CPLANE1: variants seen among roughly 807,000 people sequenced by gnomAD.
CPLANE1 encodes the protein ciliogenesis and planar polarity effector 1.
Under a neutral mutation model 362.5 loss-of-function variants are expected in CPLANE1, and 263 were observed. The observed-to-expected ratio is 0.73, with a 90% CI of 0.66 to 0.80. CPLANE1 has a LOEUF of 0.80. Among genes scored for constraint, CPLANE1 ranks in the 30% least tolerant of loss-of-function variants. The pLI, the probability that CPLANE1 is intolerant of heterozygous loss-of-function variation, is 0.00. For synonymous variants in CPLANE1, 1,212 were observed against 1,302.6 expected (o/e 0.93, Z 1.50); for missense variants, 3,461 against 3,793.4 (o/e 0.91, Z 2.30).
intron 32 of CPLANE1, among the ~76,000 whole-genome samples, chr5:37,173,156 C>A (rs1255364158): frequency 6.6e-6 from 1 of 151,968 alleles, no homozygotes; most frequent in African/African-American, 2.4e-5. Flanking sequence ...AAATAATTAA[C>A]CATTGTTGGT....
intron 46 of CPLANE1, among the ~76,000 whole-genome samples, chr5:37,128,348 C>T (rs1202674345): frequency 6.6e-6 from 1 of 152,140 alleles, no homozygotes; most frequent in Non-Finnish European, 1.5e-5. Context: ...TTCTGATCAC[C>T]TCATCTCTAA....
At chr5:37,099,630 G>C in the CPLANE1 span, among the ~76,000 whole-genome samples, 2 of 152,148 alleles carry the variant, frequency 1.3e-5, no homozygotes, top group Non-Finnish European at 2.9e-5. Context: ...ATAACAGAAT[G>C]ATTTATATTT....
At chr5:37,176,251 T>A (rs1781129471) in intron 30 of CPLANE1, among the ~76,000 whole-genome samples, 1 of 151,900 alleles carries the variant, frequency 6.6e-6, no homozygotes, top group Non-Finnish European at 1.5e-5. Flanking sequence ...GAACCCAAAA[T>A]GAGGGGACAT....
At chr5:37,089,728 T>C in the CPLANE1 span, among the ~76,000 whole-genome samples, 1 of 152,206 alleles carries the variant, frequency 6.6e-6, no homozygotes, top group Non-Finnish European at 1.5e-5. Flanking sequence ...TGTTTTTATA[T>C]GATTCCCCTA....
chr5:37,087,583 C>A, the CPLANE1 span, among the ~76,000 whole-genome samples: 178 of 152,232 alleles, frequency 1.2e-3, no homozygotes, highest in Admixed American at 4.7e-3. Context: ...CAGCCTCCCG[C>A]GTAGCTGGGA....
intron 51 of CPLANE1, among the ~76,000 whole-genome samples, chr5:37,110,337 T>C (rs1561280176): frequency 1.3e-5 from 2 of 152,232 alleles, no homozygotes; most frequent in Non-Finnish European, 2.9e-5. Flanking sequence ...GCCTTATCTT[T>C]ATACAACAAT....
At chr5:37,123,364 T>C (rs1312419058) in intron 47 of CPLANE1, among the ~76,000 whole-genome samples, 7 of 151,964 alleles carry the variant, frequency 4.6e-5, no homozygotes, top group Non-Finnish European at 8.8e-5. Context: ...AAGTTGTCAC[T>C]AGCAAATTAA....
intron 25 of CPLANE1, 101 bp from the exon 26 acceptor site, chr5:37,183,800 G>A: frequency 2.5e-6 from 2 of 809,100 alleles, no homozygotes; most frequent in South Asian, 3.9e-5. Flanking sequence ...ATTAAGTCAT[G>A]TATATTTTGT....
downstream of CPLANE1, among the ~76,000 whole-genome samples, chr5:37,102,984 TGGG>T (rs1343178769): frequency 6.6e-6 from 1 of 152,174 alleles, no homozygotes; most frequent in African/African-American, 2.4e-5. Flanking sequence ...ATATTGTCAG[TGGG>T]GTGTTAAAGT....
At chr5:37,138,561 A>G (rs1768572896) in intron 46 of CPLANE1, 159 bp downstream of exon 46, 1 of 799,092 alleles carries the variant, frequency 1.3e-6, no homozygotes, top group Non-Finnish European at 2.2e-6. Flanking sequence ...GTTAGAGAAA[A>G]GGGAAGAATG....
intron 19 of CPLANE1, among the ~76,000 whole-genome samples, chr5:37,201,038 G>A (rs1580681486): frequency 6.6e-6 from 1 of 152,078 alleles, no homozygotes; most frequent in Non-Finnish European, 1.5e-5. Flanking sequence ...TGCCCAGGCT[G>A]GTCTCAAACT....
intron 8 of CPLANE1, among the ~76,000 whole-genome samples, chr5:37,235,180 C>T (rs1298613832): frequency 6.6e-6 from 1 of 152,020 alleles, no homozygotes; most frequent in Non-Finnish European, 1.5e-5. Flanking sequence ...AGAAAATACA[C>T]CAATAACTAT....
intron 46 of CPLANE1, among the ~76,000 whole-genome samples, chr5:37,126,957 T>C (rs1764297711): frequency 6.6e-6 from 1 of 152,170 alleles, no homozygotes; most frequent in Admixed American, 6.5e-5. Flanking sequence ...ATTCTGAATA[T>C]CTGCTTTCCT....
Position 37,230,957 on chromosome 5 carries a change from T to C in CPLANE1, c.1031A>G (p.Gln344Arg). The C allele has an allele frequency of 1.3e-6, 2 of 1,551,088 alleles. No individual in the cohort carries two copies. The highest frequency in any genetic ancestry group is 1.7e-6 in the Non-Finnish European group (2 of 1,146,622). ...TGTAATTAATGTTAGCAATTCACCT[T>C]GGCAGGTCAATAAAACCAGAGAGCC... ...KRGSLVLLTCQGELLTLITFG... is the reference protein window; with the variant it reads ...KRGSLVLLTCRGELLTLITFG... Residue 344 changes from glutamine to arginine, a missense_variant, in exon 9 of 53, where the codon CAA becomes CGA. By Grantham distance (43) the Gln-to-Arg change is conservative (BLOSUM62 1). Around this residue, in one of 2 missense-constraint regions of CPLANE1, gnomAD observed 3,380 missense variants for 3,666.1 expected, o/e 0.92. Coordinates refer to ENST00000651892, the MANE Select transcript of CPLANE1 (RefSeq NM_001384732.1).
At chr5:37,240,081 G>A (rs753705945) in intron 6 of CPLANE1, among the ~76,000 whole-genome samples, 1 of 152,264 alleles carries the variant, frequency 6.6e-6, no homozygotes, top group East Asian at 1.9e-4. Context: ...GCTGGGCACG[G>A]TAGCTCACAC....
intron 50 of CPLANE1, among the ~76,000 whole-genome samples, chr5:37,119,957 A>G (rs1762172964): frequency 6.6e-6 from 1 of 152,120 alleles, no homozygotes; most frequent in African/African-American, 2.4e-5. Flanking sequence ...ACTGCACTCC[A>G]GCCTGGGTGA....
At chr5:37,115,130 C>T (rs1760552957) in intron 50 of CPLANE1, 81 bp from the exon 51 acceptor site, 2 of 909,240 alleles carry the variant, frequency 2.2e-6, no homozygotes, top group South Asian at 2.9e-5. Context: ...TGAGGACAGA[C>T]ACCTTGGTGA....
chr5:37,200,919 G>A (rs1788992390), intron 19 of CPLANE1, among the ~76,000 whole-genome samples: 1 of 152,128 alleles, frequency 6.6e-6, no homozygotes, highest in African/African-American at 2.4e-5. Context: ...TACCTCCCGG[G>A]CTCAAGCCAT....
At chr5:37,152,622 C>T (rs1182571588) in intron 42 of CPLANE1, among the ~76,000 whole-genome samples, 1 of 152,010 alleles carries the variant, frequency 6.6e-6, no homozygotes, top group Non-Finnish European at 1.5e-5. Flanking sequence ...GGTGTGGTGG[C>T]TCACATCTAC....
Sources: gnomAD v4.1 joint callset for allele counts (sites outside exome capture counted in the v4.1 genomes callset) on GRCh38, gnomAD v4.1.1 for gene constraint, gnomAD v4.1.1 regional missense constraint, MANE v1.5 for transcripts, NCBI Gene and HGNC (gene_info 2026-07-23, HGNC 2026-07-21) for gene names.